Variants in FYN observed in about 807,000 individuals in gnomAD.
FYN encodes tyrosine-protein kinase Fyn.
In FYN, 10 loss-of-function variants were observed where a neutral mutation model predicts 70.2. The observed-to-expected ratio is 0.14, with a 90% CI of 0.09 to 0.24. The LOEUF is 0.24. FYN is among the 10% of genes least tolerant of loss of function. FYN has a pLI of 1.00. For synonymous variants in FYN, 236 were observed against 248.6 expected (o/e 0.95, Z 0.48); for missense variants, 319 against 673.1 (o/e 0.47, Z 5.82).
chr6:111,749,497 C>T (rs1802391844), intron 3 of FYN, among the ~76,000 whole-genome samples: 1 of 152,164 alleles, frequency 6.6e-6, no homozygotes, highest in Admixed American at 6.5e-5. Context: ...AATAATCCAA[C>T]AAAAGCTTAT....
chr6:111,784,520 T>C (rs893787810), intron 2 of FYN, among the ~76,000 whole-genome samples: 1 of 152,184 alleles, frequency 6.6e-6, no homozygotes, highest in African/African-American at 2.4e-5. Context: ...GCTTTCTAAA[T>C]CAGCCAGTCT....
intron 2 of FYN, among the ~76,000 whole-genome samples, chr6:111,811,423 T>A (rs1772321644): frequency 6.6e-6 from 1 of 152,210 alleles, no homozygotes; most frequent in African/African-American, 2.4e-5. Context: ...CTGGACAATG[T>A]GGGTCAAATG....
At chr6:111,703,835 A>G (rs1281240715) in intron 7 of FYN, among the ~76,000 whole-genome samples, 164 bp downstream of exon 7, 1 of 152,182 alleles carries the variant, frequency 6.6e-6, no homozygotes, top group Non-Finnish European at 1.5e-5. Context: ...TGCTGTCTGC[A>G]GTTTTAGAGC....
At chr6:111,790,294 A>G (rs1025516223) in intron 2 of FYN, among the ~76,000 whole-genome samples, 6 of 135,270 alleles carry the variant, frequency 4.4e-5, no homozygotes. Flanking sequence ...ACACACACAC[A>G]CACATTCTGA....
chr6:111,784,413 G>T (rs536006469), intron 2 of FYN, among the ~76,000 whole-genome samples: 1 of 152,316 alleles, frequency 6.6e-6, no homozygotes, highest in South Asian at 2.1e-4. Context: ...TAGGTCCAGA[G>T]ATCAAAGCCA....
At chr6:111,815,392 T>C (rs1170700544) in intron 2 of FYN, among the ~76,000 whole-genome samples, 2 of 152,202 alleles carry the variant, frequency 1.3e-5, no homozygotes, top group Non-Finnish European at 2.9e-5. Context: ...TAGTTTTAAT[T>C]GTCTAAAATG....
chr6:111,863,684 A>T (rs1258841501), intron 1 of FYN, among the ~76,000 whole-genome samples: 1 of 152,194 alleles, frequency 6.6e-6, no homozygotes, highest in East Asian at 1.9e-4. Flanking sequence ...TACCTCAAAG[A>T]TGGAAGCTCT....
intron 9 of FYN, 122 bp downstream of exon 9, chr6:111,699,982 C>A: frequency 1.4e-6 from 1 of 690,506 alleles, no homozygotes; most frequent in Non-Finnish European, 2.3e-6. Context: ...TTATTATTCC[C>A]CACTATTAGT....
At chr6:111,785,326 G>A (rs1049828443) in intron 2 of FYN, among the ~76,000 whole-genome samples, 3 of 152,158 alleles carry the variant, frequency 2.0e-5, no homozygotes, top group African/African-American at 4.8e-5. Flanking sequence ...TTGAGGGCAC[G>A]AATTTTGTTT....
intron 1 of FYN, among the ~76,000 whole-genome samples, chr6:111,872,154 CCA>C (rs1311142724): frequency 6.6e-6 from 1 of 152,002 alleles, no homozygotes; most frequent in African/African-American, 2.4e-5. Context: ...ATCCCTCTTC[CCA>C]GTGAGTCCCA....
chr6:111,739,138 T>C (rs1801833467), intron 3 of FYN, among the ~76,000 whole-genome samples: 1 of 152,200 alleles, frequency 6.6e-6, no homozygotes, highest in Admixed American at 6.5e-5. Flanking sequence ...ATCGTTCTTT[T>C]AGGTTTAAAG....
chr6:111,871,174 G>A (rs138249706), intron 1 of FYN, among the ~76,000 whole-genome samples: 145 of 152,268 alleles, frequency 9.5e-4, no homozygotes, highest in African/African-American at 3.3e-3. Context: ...CTTACAAAAC[G>A]GAACATTAAG....
chr6:111,792,309 A>G (rs1343776063), intron 2 of FYN, among the ~76,000 whole-genome samples: 1 of 152,232 alleles, frequency 6.6e-6, no homozygotes, highest in Non-Finnish European at 1.5e-5. Context: ...ATACACCTAC[A>G]GGACTGGCTA....
intron 1 of FYN, among the ~76,000 whole-genome samples, chr6:111,855,678 C>G (rs1055243260): frequency 6.6e-5 from 10 of 152,210 alleles, no homozygotes; most frequent in Admixed American, 3.9e-4. Flanking sequence ...CCTGGGCGTG[C>G]CATAACGGTA....
At chr6:111,801,383 C>T (rs1254515711) in intron 2 of FYN, among the ~76,000 whole-genome samples, 1 of 152,184 alleles carries the variant, frequency 6.6e-6, no homozygotes, top group African/African-American at 2.4e-5. Flanking sequence ...AATTAGGTGG[C>T]TTTTCAAAGG....
intron 13 of FYN, among the ~76,000 whole-genome samples, chr6:111,671,085 T>C (rs1157723998): frequency 6.6e-6 from 1 of 152,222 alleles, no homozygotes; most frequent in Non-Finnish European, 1.5e-5. Context: ...ACTGCATCCA[T>C]ACTTGTTACA....
intron 13 of FYN, among the ~76,000 whole-genome samples, chr6:111,666,350 T>A (rs1051610161): frequency 2.1e-4 from 32 of 152,112 alleles, no homozygotes; most frequent in African/African-American, 7.2e-4. Context: ...GCAGTATGAA[T>A]GTTCCCTGGT....
At chr6:111,783,502 G>A (rs181124684) in intron 2 of FYN, among the ~76,000 whole-genome samples, 3 of 152,294 alleles carry the variant, frequency 2.0e-5, no homozygotes, top group Non-Finnish European at 4.4e-5. Flanking sequence ...ATAACAAAAC[G>A]GGTGGCATGA....
chr6:111,768,054 C>T (rs564846125), intron 3 of FYN, among the ~76,000 whole-genome samples: 2 of 152,148 alleles, frequency 1.3e-5, no homozygotes, highest in Non-Finnish European at 2.9e-5. Context: ...CACAACACAG[C>T]CTATCTCTTC....
Sources: gnomAD v4.1 joint callset for allele counts (sites outside exome capture counted in the v4.1 genomes callset) on GRCh38, gnomAD v4.1.1 for gene constraint, MANE v1.5 for transcripts, NCBI Gene and HGNC (gene_info 2026-07-23, HGNC 2026-07-21) for gene names.